Variants in ATL2 observed in about 807,000 individuals in gnomAD.
The protein encoded by ATL2 is atlastin-2.
Under a neutral mutation model 73.9 loss-of-function variants are expected in ATL2, and 31 were observed. The observed-to-expected ratio is 0.42, with a 90% CI of 0.32 to 0.57. The LOEUF (loss-of-function observed/expected upper bound fraction) is 0.57. Ranked by LOEUF, ATL2 falls within the 20% of genes least tolerant of loss-of-function variation. ATL2 has a pLI of 0.14. For synonymous variants in ATL2, 291 were observed against 237.5 expected, an observed-to-expected ratio of 1.23 and a Z score of -2.07; for missense variants, 738 against 702.6, an observed-to-expected ratio of 1.05 and a Z score of -0.57.
intron 2 of ATL2, among the ~76,000 whole-genome samples, chr2:38,338,890 G>A (rs1394078433): frequency 1.3e-5 from 2 of 152,098 alleles, no homozygotes; most frequent in Non-Finnish European, 2.9e-5. Context: ...AACTTAAATT[G>A]AGGAACGTTC....
Position 38,307,665 on chromosome 2 carries a change from G to C in ATL2, c.1071+1714C>G, listed in dbSNP as rs180686362. 2.6e-5 allele frequency among the ~76,000 whole-genome samples: 4 copies of C among 152,078 alleles called. No individual in the cohort carries two copies. The East Asian group carries it at 7.8e-4, about 30-fold the overall frequency. ...TTTTGCACATCAGAAAAGTGAAGAC[G>C]CAACCCACAGACTGGGAGAAGACAT... On this transcript the variant is annotated intron_variant, in intron 9 of 12. Coordinates refer to ENST00000378954, the MANE Select transcript of ATL2 (RefSeq NM_001135673.4).
chr2:38,373,621 G>A (rs192544146), intron 1 of ATL2, among the ~76,000 whole-genome samples: 68 of 152,282 alleles, frequency 4.5e-4, no homozygotes, highest in Middle Eastern at 3.4e-3. Flanking sequence ...GGTAGTGAAG[G>A]TGGCTACTTA....
Position 38,315,158 on chromosome 2 carries a change from G to C in ATL2, c.654+126C>G, listed in dbSNP as rs544853315. ...GCCAGCTACTTGGGAGGCTGAGGCAGGAGAATCCCTTGAACTTGGGAGGGG... is the reference window on the plus strand; with the variant it reads ...GCCAGCTACTTGGGAGGCTGAGGCACGAGAATCCCTTGAACTTGGGAGGGG... On this transcript the variant is annotated intron_variant, in intron 5 of 12. Coordinates refer to ENST00000378954, the MANE Select transcript of ATL2 (RefSeq NM_001135673.4). 1.1e-4 allele frequency: 104 copies of C among 973,748 alleles called. No individual in the cohort carries two copies. The African/African-American group carries it at 1.6e-3, about 15-fold the overall frequency. The allele number at this position is 973,748 out of a possible 1,614,324, so 60.3% of individuals were successfully genotyped here.
rs147797922 is a variant in ATL2, at chr2:38,353,804, G to C, written c.119-10292C>G. Among the ~76,000 whole-genome samples the C allele has an allele frequency of 9.1e-4, 138 of 152,318 alleles. 1 individual carries two copies. The highest frequency in any genetic ancestry group is 3.2e-3 in the African/African-American group (135 of 41,560). ...ACTGGAGGCCAGAAGACAAGGGATT[G>C]ATAGCTTTAGAGTGTTTTTAAAAGA... On this transcript the variant is annotated intron_variant, in intron 1 of 12. Coordinates refer to ENST00000378954, the MANE Select transcript of ATL2 (RefSeq NM_001135673.4).
At chr2:38,313,875 T>A (rs1667885734) in intron 6 of ATL2, among the ~76,000 whole-genome samples, 1 of 152,168 alleles carries the variant, frequency 6.6e-6, no homozygotes, top group Non-Finnish European at 1.5e-5. Context: ...AATGTCCCCT[T>A]GGGTGGCAAA....
chr2:38,332,484 G>T (rs574195231), intron 2 of ATL2, among the ~76,000 whole-genome samples: 1 of 152,192 alleles, frequency 6.6e-6, no homozygotes, highest in African/African-American at 2.4e-5. Flanking sequence ...GGGATTACAG[G>T]CACGAGCCAC....
intron 1 of ATL2, among the ~76,000 whole-genome samples, chr2:38,356,728 G>A (rs893877263): frequency 2.0e-5 from 3 of 152,104 alleles, no homozygotes; most frequent in African/African-American, 4.8e-5. Context: ...AACTGTTAAT[G>A]TAAATAAAAT....
At chr2:38,310,476 G>T (rs1413845963) in intron 7 of ATL2, 29 bp from the exon 8 acceptor site, 1 of 1,569,346 alleles carries the variant, frequency 6.4e-7, no homozygotes, top group Admixed American at 2.1e-5. Context: ...AGGTGAAATT[G>T]TAAACAGAAG....
At chr2:38,365,816 G>A (rs149631956) in intron 1 of ATL2, among the ~76,000 whole-genome samples, 4 of 151,860 alleles carry the variant, frequency 2.6e-5, no homozygotes, top group African/African-American at 9.7e-5. Context: ...GTGTGGTGGT[G>A]TGTACCTAAA....
In ATL2 at chr2:38,343,587, G is replaced by A. The variant is rs1573534232; in HGVS notation, c.119-75C>T. ...ACTTTCATTAAGGACCACAACTAAA[G>A]CAAAATTTCAAGTAAGTAATTGCCC... On this transcript the variant is annotated intron_variant, in intron 1 of 12. Transcript: ENST00000378954. The A allele has an allele frequency of 2.8e-6, 4 of 1,415,440 alleles. No homozygotes were observed. The East Asian group carries it at 9.2e-5, about 32-fold the overall frequency. 87.7% of individuals were successfully genotyped at this position (1,415,440 alleles called of 1,614,324 possible). A position where few individuals can be genotyped will look rare whatever the true frequency, so the allele number is the denominator to read the frequency against.
chr2:38,308,118 G>GA (rs1309460279), intron 9 of ATL2, among the ~76,000 whole-genome samples: 1 of 152,124 alleles, frequency 6.6e-6, no homozygotes, highest in East Asian at 1.9e-4. Flanking sequence ...ATACCCAAAA[G>GA]AAAAAAATCA....
Position 38,318,570 on chromosome 2 carries a change from C to T in ATL2, c.568G>A (p.Val190Met). 1 of 1,612,498 alleles carries T rather than the reference C, an allele frequency of 6.2e-7. No individual in the cohort carries two copies. Among genetic ancestry groups the T allele is most frequent in the African/African-American group, 1.3e-5 (1 of 74,886 alleles). Residue 190 changes from valine to methionine, a missense_variant, in exon 4 of 13, where the codon GTG becomes ATG. Physicochemically the swap from Val to Met is conservative, Grantham distance 21 (BLOSUM62 1). Transcript: ENST00000378954. ...SQSTIKDCAT[V>M]FALSTMTSSV... ...CTAGTCATAGTGCTCAGAGCAAACA[C>T]CGTTGCACAGTCTTTGATAGTTGAC...
intron 8 of ATL2, 121 bp from the exon 9 acceptor site, chr2:38,309,627 T>C: frequency 2.0e-6 from 2 of 1,009,800 alleles, no homozygotes; most frequent in Non-Finnish European, 2.8e-6. Context: ...TGAAGTGGAT[T>C]CATTTTTTAA....
intron 2 of ATL2, 119 bp downstream of exon 2, chr2:38,343,149 T>TAAAAAAAAAA (rs59215933): frequency 2.9e-6 from 1 of 349,604 alleles, no homozygotes; most frequent in Non-Finnish European, 3.9e-6. Context: ...CCACTTAAAT[T>TAAAAAAAAAA]AAAAAAAAAA....
intron 9 of ATL2, among the ~76,000 whole-genome samples, chr2:38,305,661 A>C (rs560829637): frequency 1.3e-5 from 2 of 152,194 alleles, no homozygotes; most frequent in Non-Finnish European, 2.9e-5. Flanking sequence ...AAATTATATT[A>C]ATACAATAGG....
chr2:38,345,047 G>T (rs1669942731), intron 1 of ATL2, among the ~76,000 whole-genome samples: 1 of 152,056 alleles, frequency 6.6e-6, no homozygotes. Context: ...AAAACACCTA[G>T]CTTCAGAGGA....
chr2:38,316,928 G>C (rs1184572602), intron 4 of ATL2, among the ~76,000 whole-genome samples: 1 of 152,036 alleles, frequency 6.6e-6, no homozygotes, highest in Non-Finnish European at 1.5e-5. Context: ...TGCAAGATCA[G>C]AGAAAAAAAG....
intron 2 of ATL2, among the ~76,000 whole-genome samples, chr2:38,331,718 A>G (rs1055616575): frequency 6.6e-6 from 1 of 151,966 alleles, no homozygotes; most frequent in Non-Finnish European, 1.5e-5. Context: ...TCAATAAGGT[A>G]TCAAGAGCAT....
intron 1 of ATL2, among the ~76,000 whole-genome samples, chr2:38,343,749 C>G (rs1192258141): frequency 6.6e-6 from 1 of 152,158 alleles, no homozygotes; most frequent in African/African-American, 2.4e-5. Flanking sequence ...TGAATTGTAG[C>G]TCCCACAATT....
Sources: allele counts gnomAD v4.1 joint callset (sites outside exome capture counted in the v4.1 genomes callset), GRCh38; gene constraint gnomAD v4.1.1; transcripts MANE v1.5; gene names NCBI Gene and HGNC (gene_info 2026-07-23, HGNC 2026-07-21).